LDLRAD4: variants seen among roughly 807,000 people sequenced by gnomAD.
LDLRAD4 encodes low density lipoprotein receptor class A domain containing 4.
In LDLRAD4, 5 loss-of-function variants were observed where a neutral mutation model predicts 17.0. The ratio of observed to expected loss-of-function variants is 0.29; its 90% confidence interval spans 0.15 to 0.62. The LOEUF (loss-of-function observed/expected upper bound fraction) is 0.62. Among genes scored for constraint, LDLRAD4 ranks in the 20% least tolerant of loss-of-function variants. The pLI, the probability that LDLRAD4 is intolerant of heterozygous loss-of-function variation, is 0.84. For missense variants in LDLRAD4, 340 were observed against 424.7 expected, an observed-to-expected ratio of 0.80 and a Z score of 1.75; for synonymous variants, 168 against 171.8, an observed-to-expected ratio of 0.98 and a Z score of 0.17.
chr18:13,625,364 G>C (rs957217532), intron 4 of LDLRAD4, among the ~76,000 whole-genome samples: 11 of 152,174 alleles, frequency 7.2e-5, no homozygotes, highest in Non-Finnish European at 1.6e-4. Flanking sequence ...ATGGGAGTGA[G>C]TTTTGGTTTG....
At chr18:13,507,022 C>T (rs2147387789) in intron 3 of LDLRAD4, among the ~76,000 whole-genome samples, 1 of 152,346 alleles carries the variant, frequency 6.6e-6, no homozygotes, top group Admixed American at 6.5e-5. Context: ...GAGCAAGTCT[C>T]TCAGTGCCAT....
At chr18:13,308,756 G>C (rs2047059759) in intron 1 of LDLRAD4, among the ~76,000 whole-genome samples, 1 of 152,264 alleles carries the variant, frequency 6.6e-6, no homozygotes, top group Non-Finnish European at 1.5e-5. Flanking sequence ...TAGGGAAGCA[G>C]ACTTCCCTAA....
At chr18:13,266,430 G>T (rs1370698787) in intron 1 of LDLRAD4, among the ~76,000 whole-genome samples, 1 of 152,196 alleles carries the variant, frequency 6.6e-6, no homozygotes, top group Non-Finnish European at 1.5e-5. Flanking sequence ...AACAGACACA[G>T]CCCGCTGAGG....
intron 3 of LDLRAD4, chr18:13,612,537 AGAAACACACC>A: frequency 7.1e-7 from 1 of 1,402,422 alleles, no homozygotes; most frequent in South Asian, 1.5e-5. Context: ...CGAGGCAGAC[AGAAACACACC>A]CCCCCCCCCT....
intron 3 of LDLRAD4, among the ~76,000 whole-genome samples, chr18:13,533,774 A>T (rs1161483632): frequency 1.3e-5 from 2 of 152,134 alleles, no homozygotes; most frequent in African/African-American, 2.4e-5. Context: ...TCAATAGGTG[A>T]ATAAGGTTCT....
intron 2 of LDLRAD4, among the ~76,000 whole-genome samples, chr18:13,388,798 G>T (rs998412598): frequency 6.6e-6 from 1 of 152,250 alleles, no homozygotes; most frequent in East Asian, 1.9e-4. Flanking sequence ...AAGAACGAGG[G>T]GACGGGTCTT....
At chr18:13,268,702 CAA>C (rs2044359718) in intron 1 of LDLRAD4, among the ~76,000 whole-genome samples, 1 of 152,216 alleles carries the variant, frequency 6.6e-6, no homozygotes, top group Non-Finnish European at 1.5e-5. Flanking sequence ...AAATTCTTAA[CAA>C]AGTTAGTGGC....
intron 3 of LDLRAD4, among the ~76,000 whole-genome samples, chr18:13,564,560 A>C (rs1349531766): frequency 1.7e-5 from 2 of 118,196 alleles, no homozygotes; most frequent in Non-Finnish European, 3.4e-5. Flanking sequence ...GAAAAAGTTC[A>C]TTTTTGTGTT....
At chr18:13,315,068 AAGG>A (rs2080855490) in intron 1 of LDLRAD4, among the ~76,000 whole-genome samples, 1 of 152,164 alleles carries the variant, frequency 6.6e-6, no homozygotes, top group Non-Finnish European at 1.5e-5. Flanking sequence ...AGGGCATGCC[AAGG>A]AGGAGGAGCC....
chr18:13,306,973 A>G (rs1430586263), intron 1 of LDLRAD4, among the ~76,000 whole-genome samples: 1 of 152,210 alleles, frequency 6.6e-6, no homozygotes, highest in African/African-American at 2.4e-5. Context: ...GTGATGGGAA[A>G]AAAACATAGA....
chr18:13,484,646 CT>C (rs1299553116), intron 3 of LDLRAD4, among the ~76,000 whole-genome samples: 1 of 152,102 alleles, frequency 6.6e-6, no homozygotes, highest in Non-Finnish European at 1.5e-5. Flanking sequence ...CAACGAATCA[CT>C]TTCTATCTCA....
At chr18:13,350,823 G>T (rs1006870809) in intron 1 of LDLRAD4, among the ~76,000 whole-genome samples, 1 of 152,092 alleles carries the variant, frequency 6.6e-6, no homozygotes, top group Non-Finnish European at 1.5e-5. Flanking sequence ...TGTAAGGAAG[G>T]GTCCAGTTTC....
chr18:13,242,726 CT>C (rs1271869942), intron 1 of LDLRAD4, among the ~76,000 whole-genome samples: 5 of 152,126 alleles, frequency 3.3e-5, no homozygotes, highest in African/African-American at 7.2e-5. Context: ...GAAGTCTTGG[CT>C]TTTAGTGTAA....
At chr18:13,476,884 A>G (rs1020643131) in intron 3 of LDLRAD4, among the ~76,000 whole-genome samples, 7 of 152,304 alleles carry the variant, frequency 4.6e-5, no homozygotes, top group Middle Eastern at 3.4e-3. Flanking sequence ...ATATTTTTGG[A>G]CAAAGGAATG....
intron 3 of LDLRAD4, chr18:13,561,673 A>G (rs907169200): frequency 6.6e-6 from 1 of 152,240 alleles, no homozygotes; most frequent in Non-Finnish European, 1.5e-5. Flanking sequence ...ACGTGATGAC[A>G]TGTATGCCGA....
chr18:13,633,522 C>T (rs1483386955), intron 4 of LDLRAD4, among the ~76,000 whole-genome samples: 1 of 152,248 alleles, frequency 6.6e-6, no homozygotes, highest in African/African-American at 2.4e-5. Flanking sequence ...CTGCCTCAGC[C>T]TCCCACTGAT....
intron 3 of LDLRAD4, among the ~76,000 whole-genome samples, chr18:13,606,479 G>T (rs2095225689): frequency 6.6e-6 from 1 of 152,250 alleles, no homozygotes; most frequent in South Asian, 2.1e-4. Context: ...GCTCCATGGG[G>T]TCACACACTT....
At chr18:13,430,241 C>G (rs2090238030) in intron 2 of LDLRAD4, among the ~76,000 whole-genome samples, 1 of 152,214 alleles carries the variant, frequency 6.6e-6, no homozygotes, top group Admixed American at 6.5e-5. Flanking sequence ...TCCTCATCAC[C>G]CACAGACCTC....
At chr18:13,468,115 A>G (rs1474407711) in intron 3 of LDLRAD4, among the ~76,000 whole-genome samples, 1 of 150,260 alleles carries the variant, frequency 6.7e-6, no homozygotes, top group Admixed American at 6.6e-5. Flanking sequence ...AGTATGAACA[A>G]CAAAAGAAAA....
Sources: allele counts gnomAD v4.1 joint callset (sites outside exome capture counted in the v4.1 genomes callset), GRCh38; gene constraint gnomAD v4.1.1; transcripts MANE v1.5; gene names NCBI Gene and HGNC (gene_info 2026-07-23, HGNC 2026-07-21).